Variants in FRK observed in about 807,000 individuals in gnomAD.
The protein encoded by FRK is fyn related Src family tyrosine kinase.
In FRK, 51 loss-of-function variants were observed where a neutral mutation model predicts 56.4. The observed-to-expected ratio is 0.90, with a 90% confidence interval of 0.72 to 1.14. The LOEUF is 1.14. FRK is among the 50% of genes most tolerant of loss of function. FRK has a pLI of 0.00. For synonymous variants in FRK, 245 were observed against 217.9 expected (o/e 1.12, Z -1.10); for missense variants, 570 against 601.4 (o/e 0.95, Z 0.55).
At chr6:116,090,263 T>G in the FRK span, among the ~76,000 whole-genome samples, 1 of 152,218 alleles carries the variant, frequency 6.6e-6, no homozygotes, top group South Asian at 2.1e-4. Context: ...CAGAGAAAAC[T>G]AGGTCCTGAT....
At chr6:116,099,489 A>G in the FRK span, among the ~76,000 whole-genome samples, 1 of 152,216 alleles carries the variant, frequency 6.6e-6, no homozygotes, top group Non-Finnish European at 1.5e-5. Context: ...CAGCCTCTCC[A>G]ACAATCCAGC....
chr6:115,932,429 G>GA lies in FRK; in HGVS notation c.*9984dup, dbSNP rs1304783327. 2 of 152,068 alleles carry GA rather than the reference G, an allele frequency of 1.3e-5. No individual in the cohort carries two copies. The highest frequency in any genetic ancestry group is 2.9e-5 in the Non-Finnish European group (2 of 67,996). 9.4% of individuals were successfully genotyped at this position (152,068 alleles called of 1,614,324 possible). On this transcript the variant is annotated 3_prime_UTR_variant, in exon 8 of 8. Transcript: ENST00000606080. ...CTGAATCTTCTACATAATAATTCCA[G>GA]AAAAAACAAGAATCAAACATTGTCA... is the stretch of plus-strand genomic sequence containing the variant.
At chr6:115,949,498 G>A (rs910714855) in intron 5 of FRK, among the ~76,000 whole-genome samples, 1 of 152,094 alleles carries the variant, frequency 6.6e-6, no homozygotes, top group Non-Finnish European at 1.5e-5. Context: ...CCTCTTTAAA[G>A]AGAACTACAA....
At chr6:116,004,124 G>A (rs1469323152) in intron 1 of FRK, 126 bp from the exon 2 acceptor site, 1 of 760,828 alleles carries the variant, frequency 1.3e-6, no homozygotes, top group East Asian at 2.7e-5. Context: ...ACTATTACAG[G>A]TATAAATGGT....
the FRK span, among the ~76,000 whole-genome samples, chr6:116,082,150 C>T: frequency 3.3e-5 from 5 of 152,204 alleles, no homozygotes; most frequent in East Asian, 7.7e-4. Flanking sequence ...GGAGCTTGTA[C>T]CGCATATTTG....
intron 1 of FRK, among the ~76,000 whole-genome samples, chr6:116,041,365 T>C (rs995779742): frequency 1.3e-5 from 2 of 152,186 alleles, no homozygotes; most frequent in Admixed American, 6.5e-5. Flanking sequence ...TCTTAATTCA[T>C]TCCCTATCTG....
At chr6:115,998,369 G>A (rs987677742) in intron 2 of FRK, among the ~76,000 whole-genome samples, 11 of 152,106 alleles carry the variant, frequency 7.2e-5, no homozygotes, top group African/African-American at 2.7e-4. Context: ...AAATTCCTCA[G>A]TGTGATATAC....
chr6:115,947,876 G>T (rs1208639590), intron 5 of FRK, among the ~76,000 whole-genome samples: 1 of 152,236 alleles, frequency 6.6e-6, no homozygotes, highest in African/African-American at 2.4e-5. Flanking sequence ...CACTCAATAA[G>T]AAAGGAAATG....
the FRK span, among the ~76,000 whole-genome samples, chr6:116,071,343 C>T: frequency 3.3e-5 from 5 of 152,148 alleles, no homozygotes; most frequent in Admixed American, 6.6e-5. Context: ...TACACATTTT[C>T]ACACCTTCAC....
chr6:116,012,208 C>T (rs572494008), intron 1 of FRK, among the ~76,000 whole-genome samples: 1 of 152,144 alleles, frequency 6.6e-6, no homozygotes, highest in African/African-American at 2.4e-5. Context: ...TTGCTCACAC[C>T]ACCACCACTA....
In FRK at chr6:116,007,089, G is replaced by T. The variant is rs6928434; in HGVS notation, c.345-3091C>A. Among the ~76,000 whole-genome samples the T allele has an allele frequency of 8.9e-3, 1,357 of 152,202 alleles. 23 individuals are homozygous for T. The highest frequency in any genetic ancestry group is 0.031 in the African/African-American group (1,278 of 41,506). ...ATATTTCAAGCAAAGAAGCAATATG[G>T]ATGAAATATCTTAATCAACTCAATG... is the stretch of plus-strand genomic sequence containing the variant. On this transcript the variant is annotated intron_variant, in intron 1 of 7. Coordinates refer to ENST00000606080, the MANE Select transcript of FRK (RefSeq NM_002031.3).
chr6:116,081,535 G>A, the FRK span, among the ~76,000 whole-genome samples: 1 of 152,070 alleles, frequency 6.6e-6, no homozygotes, highest in Non-Finnish European at 1.5e-5. Context: ...GTGGGTGCCT[G>A]TAATCCTAGC....
chr6:115,983,649 C>A (rs1006227594), intron 2 of FRK, among the ~76,000 whole-genome samples: 1 of 152,166 alleles, frequency 6.6e-6, no homozygotes, highest in African/African-American at 2.4e-5. Context: ...GAAACCCAGA[C>A]ATGAAAGCTG....
rs986433973 is a variant in FRK at position 115,967,425 on chromosome 6, G to C, written c.799+126C>G. On this transcript the variant is annotated intron_variant, in intron 4 of 7. Coordinates refer to ENST00000606080, the MANE Select transcript of FRK (RefSeq NM_002031.3). Reference sequence around the variant, plus strand: ...CCATAGGTTGGGGTCACCTGGGCTAGAGACAATGACCACAACACCTGCTTG... The same window carrying C: ...CCATAGGTTGGGGTCACCTGGGCTACAGACAATGACCACAACACCTGCTTG... 11 of 851,682 alleles carry C rather than the reference G, an allele frequency of 1.3e-5. No homozygotes were observed. The South Asian group carries it at 1.3e-4, about 10-fold the overall frequency. The allele number at this position is 851,682 out of a possible 1,614,324, so 52.8% of individuals were successfully genotyped here.
chr6:115,953,847 T>C (rs1415605084), intron 5 of FRK, among the ~76,000 whole-genome samples: 2 of 152,206 alleles, frequency 1.3e-5, no homozygotes, highest in South Asian at 2.1e-4. Flanking sequence ...CCATACTTTC[T>C]TATGTGCCAG....
rs1306391585 is a variant in FRK, at chr6:115,971,507, A to AAATAATG, written c.467-2769_467-2768insCATTATT. Among the ~76,000 whole-genome samples, 3 of 152,304 alleles carry AAATAATG rather than the reference A, an allele frequency of 2.0e-5. No homozygotes were observed. The East Asian group carries it at 5.8e-4, about 29-fold the overall frequency. On this transcript the variant is annotated intron_variant, in intron 2 of 7. Transcript: ENST00000606080. ...TCAACCACAATAATGCAAACAATAC[A>AAATAATG]CAGAAAAGCACAACTAATAATTAAA...
chr6:116,079,092 C>G, the FRK span, among the ~76,000 whole-genome samples: 1 of 152,090 alleles, frequency 6.6e-6, no homozygotes, highest in African/African-American at 2.4e-5. Context: ...TACATGCACA[C>G]ATTTTCTGGA....
At chr6:116,062,910 C>G (rs1777673567), upstream of FRK, among the ~76,000 whole-genome samples, 1 of 152,176 alleles carries the variant, frequency 6.6e-6, no homozygotes, top group South Asian at 2.1e-4. Context: ...AAAGCTCCTT[C>G]TGAGCGACAG....
At chr6:116,021,429 G>T (rs1775869009) in intron 1 of FRK, among the ~76,000 whole-genome samples, 1 of 152,036 alleles carries the variant, frequency 6.6e-6, no homozygotes, top group Admixed American at 6.6e-5. Flanking sequence ...CACCTATAAT[G>T]GTTGATCATT....
Sources: allele counts gnomAD v4.1 joint callset (sites outside exome capture counted in the v4.1 genomes callset), GRCh38; gene constraint gnomAD v4.1.1; transcripts MANE v1.5; gene names NCBI Gene and HGNC (gene_info 2026-07-23, HGNC 2026-07-21).